Variants in NEK7 observed in about 807,000 individuals in gnomAD.
NEK7 encodes serine/threonine-protein kinase Nek7.
NEK7 carries 18 observed loss-of-function variants against 44.6 expected under a neutral mutation model. The observed-to-expected ratio is 0.40, with a 90% CI of 0.28 to 0.60. The LOEUF is 0.60. NEK7 is among the 20% of genes least tolerant of loss of function. The pLI is 0.38. For synonymous variants in NEK7, 130 were observed against 121.1 expected (o/e 1.07, Z -0.48); for missense variants, 256 against 366.5 (o/e 0.70, Z 2.46).
intron 1 of NEK7, among the ~76,000 whole-genome samples, chr1:198,193,635 G>A (rs1665142478): frequency 6.6e-6 from 1 of 152,002 alleles, no homozygotes; most frequent in Non-Finnish European, 1.5e-5. Flanking sequence ...TTCATCCCTG[G>A]GATGCAAGAT....
chr1:198,211,250 A>G (rs1372527428), intron 1 of NEK7, among the ~76,000 whole-genome samples: 2 of 152,288 alleles, frequency 1.3e-5, no homozygotes, highest in East Asian at 3.9e-4. Flanking sequence ...TTTGTTGAGA[A>G]TACTTTAAAA....
chr1:198,318,897 T>G (rs1467677307), intron 9 of NEK7, among the ~76,000 whole-genome samples: 2 of 152,068 alleles, frequency 1.3e-5, no homozygotes, highest in African/African-American at 2.4e-5. Flanking sequence ...TTTATTATAA[T>G]TAGTTTAAAG....
chr1:198,314,318 C>A (rs1025955419), intron 9 of NEK7, among the ~76,000 whole-genome samples: 1 of 152,106 alleles, frequency 6.6e-6, no homozygotes, highest in Non-Finnish European at 1.5e-5. Context: ...AATGGTTATT[C>A]TAGTTATACA....
intron 3 of NEK7, among the ~76,000 whole-genome samples, chr1:198,260,442 T>C (rs1653421409): frequency 6.6e-6 from 1 of 152,032 alleles, no homozygotes; most frequent in African/African-American, 2.4e-5. Flanking sequence ...CCTTTTCCTT[T>C]CCTTGCTGTT....
intron 1 of NEK7, among the ~76,000 whole-genome samples, chr1:198,231,042 G>A (rs1373799980): frequency 6.6e-6 from 1 of 151,382 alleles, no homozygotes. Context: ...TTAGAAAATC[G>A]AAATAGGCTG....
At chr1:198,296,937 C>T (rs1173325498) in intron 8 of NEK7, among the ~76,000 whole-genome samples, 190 bp from the exon 9 acceptor site, 1 of 151,742 alleles carries the variant, frequency 6.6e-6, no homozygotes, top group Non-Finnish European at 1.5e-5. Flanking sequence ...AAAAAATAAC[C>T]AAAAGTTGCA....
At chr1:198,315,142 C>T (rs1558108329) in intron 9 of NEK7, among the ~76,000 whole-genome samples, 1 of 152,170 alleles carries the variant, frequency 6.6e-6, no homozygotes. Flanking sequence ...CCTGGTGCGC[C>T]GTTTTTTTAA....
intron 1 of NEK7, among the ~76,000 whole-genome samples, chr1:198,163,064 A>G (rs1664155702): frequency 1.3e-5 from 2 of 152,218 alleles, no homozygotes; most frequent in Non-Finnish European, 2.9e-5. Flanking sequence ...GGTTATAATC[A>G]TAACAAAGAC....
At chr1:198,244,269 A>G (rs972135322) in intron 2 of NEK7, among the ~76,000 whole-genome samples, 10 of 152,110 alleles carry the variant, frequency 6.6e-5, no homozygotes, top group African/African-American at 2.4e-4. Context: ...ACAATACCTC[A>G]AGGAATTATC....
At chr1:198,291,511 C>T (rs573563399) in intron 7 of NEK7, among the ~76,000 whole-genome samples, 2 of 114,366 alleles carry the variant, frequency 1.7e-5, no homozygotes, top group South Asian at 4.0e-4. Context: ...TAGAAATTGG[C>T]GTATTTACCT....
intron 1 of NEK7, among the ~76,000 whole-genome samples, chr1:198,192,105 T>C (rs963822090): frequency 7.2e-5 from 11 of 152,014 alleles, no homozygotes; most frequent in Non-Finnish European, 1.6e-4. Context: ...ATTTTTTATA[T>C]GTACAAATAC....
intron 1 of NEK7, among the ~76,000 whole-genome samples, chr1:198,203,845 G>T (rs10922376): frequency 0.13 from 19,658 of 151,150 alleles, 1,525 homozygotes; most frequent in South Asian, 0.25. Flanking sequence ...TTTTTTTTTT[G>T]TGTGTGTGTG....
intron 1 of NEK7, among the ~76,000 whole-genome samples, chr1:198,174,833 C>T (rs1057288970): frequency 2.0e-5 from 3 of 151,972 alleles, no homozygotes; most frequent in African/African-American, 7.3e-5. Flanking sequence ...TCATGGCTCA[C>T]TGCAGCCTCA....
At chr1:198,210,087 G>A (rs1403989806) in intron 1 of NEK7, among the ~76,000 whole-genome samples, 1 of 152,086 alleles carries the variant, frequency 6.6e-6, no homozygotes, top group Non-Finnish European at 1.5e-5. Flanking sequence ...TGTGAACACT[G>A]CGTCTGGCCT....
intron 1 of NEK7, among the ~76,000 whole-genome samples, chr1:198,199,763 G>T (rs1180269008): frequency 2.0e-5 from 3 of 151,080 alleles, no homozygotes; most frequent in African/African-American, 7.3e-5. Flanking sequence ...ACTTCTTTTG[G>T]CCAGTGTCCA....
At chr1:198,303,500 C>A (rs529959184) in intron 9 of NEK7, among the ~76,000 whole-genome samples, 2 of 151,272 alleles carry the variant, frequency 1.3e-5, no homozygotes, top group South Asian at 4.2e-4. Context: ...GAAAAAAAAA[C>A]AAGATGAAAG....
intron 9 of NEK7, among the ~76,000 whole-genome samples, chr1:198,312,925 G>T (rs1655237512): frequency 6.6e-6 from 1 of 152,200 alleles, no homozygotes. Context: ...GTTGATTTGG[G>T]TTGGAGAGTT....
At chr1:198,237,029 C>T (rs72751044) in intron 2 of NEK7, among the ~76,000 whole-genome samples, 6,638 of 152,234 alleles carry the variant, frequency 0.044, 228 homozygotes, top group Middle Eastern at 0.065. Context: ...TCTCCTGCTC[C>T]ATCCAGTCCA....
At chr1:198,311,579 A>G in intron 9 of NEK7, among the ~76,000 whole-genome samples, 1 of 151,880 alleles carries the variant, frequency 6.6e-6, no homozygotes. Context: ...TGGGTTTGTC[A>G]TAGATAGCTC....
Sources: allele counts gnomAD v4.1 joint callset (sites outside exome capture counted in the v4.1 genomes callset), GRCh38; gene constraint gnomAD v4.1.1; transcripts MANE v1.5; gene names NCBI Gene and HGNC (gene_info 2026-07-23, HGNC 2026-07-21).